Variants in CYB5R4 observed in about 807,000 individuals in gnomAD.
CYB5R4 encodes the protein cytochrome b5 reductase 4.
A neutral mutation model predicts 70.2 loss-of-function variants in CYB5R4; 55 were observed. That is an observed-to-expected ratio of 0.78 (90% CI 0.63 to 0.98). The LOEUF is 0.98. CYB5R4 is among the 50% of genes least tolerant of loss of function. CYB5R4 has a pLI of 0.00. For synonymous variants in CYB5R4, 197 were observed against 199.5 expected (o/e 0.99, Z 0.11); for missense variants, 562 against 612.6 (o/e 0.92, Z 0.87).
chr6:83,866,154 A>G (rs970669944), intron 2 of CYB5R4, among the ~76,000 whole-genome samples: 2 of 152,092 alleles, frequency 1.3e-5, no homozygotes, highest in African/African-American at 4.8e-5. Context: ...GCACTAGGAA[A>G]CCACTTTAGA....
chr6:83,924,790 A>C (rs2099466999), intron 10 of CYB5R4, among the ~76,000 whole-genome samples, 198 bp downstream of exon 10: 1 of 152,064 alleles, frequency 6.6e-6, no homozygotes, highest in Non-Finnish European at 1.5e-5. Flanking sequence ...TCTACTATCT[A>C]ATGTTTAGGC....
At chr6:83,912,228 A>T (rs141513352) in intron 4 of CYB5R4, among the ~76,000 whole-genome samples, 1 of 152,090 alleles carries the variant, frequency 6.6e-6, no homozygotes, top group African/African-American at 2.4e-5. Flanking sequence ...GTTTCTGTTG[A>T]TGTTGTTGTT....
At chr6:83,933,586 C>T (rs948065163) in intron 10 of CYB5R4, among the ~76,000 whole-genome samples, 19 of 152,154 alleles carry the variant, frequency 1.2e-4, no homozygotes, top group African/African-American at 4.3e-4. Context: ...TCTGTAAATA[C>T]TATTTTATGA....
At chr6:83,926,872 C>G (rs1480130261) in intron 10 of CYB5R4, among the ~76,000 whole-genome samples, 1 of 152,110 alleles carries the variant, frequency 6.6e-6, no homozygotes. Context: ...TTAATTCTAC[C>G]TTGACTCTGA....
intron 1 of CYB5R4, among the ~76,000 whole-genome samples, chr6:83,863,043 G>C (rs890890571): frequency 6.6e-6 from 1 of 152,144 alleles, no homozygotes; most frequent in East Asian, 1.9e-4. Context: ...CTGTTACTAC[G>C]TTACAAATTA....
At chr6:83,918,137 A>C (rs1399589857) in intron 6 of CYB5R4, 72 bp downstream of exon 6, 1 of 1,171,528 alleles carries the variant, frequency 8.5e-7, no homozygotes, top group African/African-American at 1.5e-5. Context: ...TAAAAAATAA[A>C]GTAGCTCTGG....
At chr6:83,910,418 T>C in intron 4 of CYB5R4, 1 of 323,286 alleles carries the variant, frequency 3.1e-6, no homozygotes, top group South Asian at 4.9e-5. Flanking sequence ...GTTTGCTATC[T>C]CAGCCTGGCT....
chr6:83,940,535 T>C lies in CYB5R4; in HGVS notation c.1280T>C (p.Phe427Ser), dbSNP rs2129143181. The change falls in exon 14 of 16, where the codon TTC becomes TCC. Residue 427 changes from phenylalanine to serine, a missense_variant. Physicochemically the swap from Phe to Ser is radical, Grantham distance 155. Coordinates refer to ENST00000369681, the MANE Select transcript of CYB5R4 (RefSeq NM_016230.4). Reference protein sequence around the residue: ...PSLRKVKLMFFNKTEDDIIWR... With the variant: ...PSLRKVKLMFSNKTEDDIIWR... Reference sequence around the variant, plus strand: ...TTAAGGAAAGTGAAGCTGATGTTCTTCAATAAAACAGAAGATGATATAATT... The same window carrying C: ...TTAAGGAAAGTGAAGCTGATGTTCTCCAATAAAACAGAAGATGATATAATT... 1 of 1,590,186 alleles carries C rather than the reference T, an allele frequency of 6.3e-7. No homozygotes were observed. The highest frequency in any genetic ancestry group is 8.5e-7 in the Non-Finnish European group (1 of 1,173,442).
At chr6:83,892,052 G>A (rs1017628937) in intron 2 of CYB5R4, among the ~76,000 whole-genome samples, 5 of 152,118 alleles carry the variant, frequency 3.3e-5, no homozygotes, top group Admixed American at 1.3e-4. Flanking sequence ...TACCACTCAC[G>A]TTTTTGGTCT....
chr6:83,920,414 C>T (rs903979305), intron 7 of CYB5R4, among the ~76,000 whole-genome samples: 1 of 152,088 alleles, frequency 6.6e-6, no homozygotes, highest in Non-Finnish European at 1.5e-5. Context: ...GATATTGTCT[C>T]TTCATCACAC....
intron 10 of CYB5R4, among the ~76,000 whole-genome samples, chr6:83,932,835 G>A (rs1375198106): frequency 6.6e-6 from 1 of 152,194 alleles, no homozygotes; most frequent in Non-Finnish European, 1.5e-5. Context: ...AGCCAAGGAT[G>A]AGAAGACAAG....
intron 10 of CYB5R4, chr6:83,929,534 T>C (rs1325042091): frequency 1.3e-5 from 2 of 152,148 alleles, no homozygotes; most frequent in East Asian, 3.9e-4. Context: ...ATTGTATGAA[T>C]TGAACCAATA....
At chr6:83,910,210 G>A in intron 4 of CYB5R4, 1 of 1,403,876 alleles carries the variant, frequency 7.1e-7, no homozygotes, top group South Asian at 1.3e-5. Flanking sequence ...CTGCCTGCCA[G>A]TTGGAAGTTC....
chr6:83,914,525 G>A (rs985130865), intron 5 of CYB5R4, 77 bp downstream of exon 5: 3 of 1,309,852 alleles, frequency 2.3e-6, no homozygotes, highest in South Asian at 1.5e-5. Context: ...ATTGTCTGGG[G>A]CATTTAAATT....
intron 14 of CYB5R4, 114 bp from the exon 15 acceptor site, chr6:83,955,184 T>G: frequency 1.3e-6 from 1 of 782,858 alleles, no homozygotes; most frequent in Non-Finnish European, 1.9e-6. Context: ...CAAGTAAGTG[T>G]ATCTTTATAT....
intron 2 of CYB5R4, among the ~76,000 whole-genome samples, chr6:83,870,239 T>C (rs2099457376): frequency 6.6e-6 from 1 of 152,190 alleles, no homozygotes; most frequent in Non-Finnish European, 1.5e-5. Context: ...GAACCCAACT[T>C]TGTGTTTTTT....
intron 10 of CYB5R4, among the ~76,000 whole-genome samples, chr6:83,931,808 T>A (rs1044944264): frequency 1.4e-3 from 204 of 150,670 alleles, no homozygotes; most frequent in African/African-American, 4.5e-3. Flanking sequence ...TATATATTTT[T>A]TTTTTATTAT....
chr6:83,940,451 T>C, intron 13 of CYB5R4, 64 bp from the exon 14 acceptor site: 1 of 1,428,696 alleles, frequency 7.0e-7, no homozygotes, highest in Middle Eastern at 2.5e-4. Context: ...CTTTAGACTT[T>C]CCATTTGTGC....
In CYB5R4 at chr6:83,959,848, CA is replaced by C; in HGVS notation, c.1541del (p.Asn514MetfsTer25). On this transcript the variant is annotated frameshift_variant, in exon 16 of 16. Transcript: ENST00000369681. LOFTEE classifies it high-confidence loss of function. ...GGTTGCTGCATGATCTCAACTTTTC[CA>C]AAAATGAGATCCATAGTTTTACAGC... ...VRLLHDLNFS[K>X]NEIHSFTA 1 of 1,600,038 alleles carries C rather than the reference CA, an allele frequency of 6.2e-7. No individual in the cohort carries two copies. Among genetic ancestry groups the C allele is most frequent in the Non-Finnish European group, 8.5e-7 (1 of 1,174,230 alleles).
Sources: gnomAD v4.1 joint callset for allele counts (sites outside exome capture counted in the v4.1 genomes callset) on GRCh38, gnomAD v4.1.1 for gene constraint, MANE v1.5 for transcripts, NCBI Gene and HGNC (gene_info 2026-07-23, HGNC 2026-07-21) for gene names.